Variants in UTRN observed in about 807,000 individuals in gnomAD.
The protein encoded by UTRN is utrophin.
In UTRN, 283 loss-of-function variants were observed where a neutral mutation model predicts 463.9. The ratio of observed to expected loss-of-function variants is 0.61; its 90% CI spans 0.55 to 0.67. The LOEUF (loss-of-function observed/expected upper bound fraction) is 0.67. Ranked by LOEUF, UTRN falls within the 30% of genes least tolerant of loss-of-function variation. UTRN has a pLI of 0.00. For missense variants in UTRN, 3,922 were observed against 4,084.3 expected (o/e 0.96, Z 1.08); for synonymous variants, 1,442 against 1,431.5 (o/e 1.01, Z -0.17).
rs1797018942 is a variant in UTRN, at chr6:144,531,096, A to G, written c.5951A>G (p.Asp1984Gly). 1.2e-6 allele frequency: 2 copies of G among 1,613,870 alleles called. No homozygotes were observed. The highest frequency in any genetic ancestry group is 1.7e-6 in the Non-Finnish European group (2 of 1,179,960). Residue 1984 changes from aspartate to glycine, a missense_variant, in exon 42 of 75, where the codon GAC becomes GGC. Physicochemically the swap from Asp to Gly is moderately conservative, Grantham distance 94. Transcript: ENST00000367545. The part of the protein sequence containing the change: ...AMEEWRQFHC[D>G]LNDLTQWITE... ...GAAGAATGGAGACAGTTCCATTGTG[A>G]CCTTAATGACCTCACACAGTGGATA...
intron 2 of UTRN, among the ~76,000 whole-genome samples, chr6:144,365,149 T>TA (rs1478485238): frequency 6.6e-6 from 1 of 152,196 alleles, no homozygotes; most frequent in Non-Finnish European, 1.5e-5. Flanking sequence ...TCACTTCTTT[T>TA]AAAAAAGAAC....
intron 51 of UTRN, among the ~76,000 whole-genome samples, chr6:144,595,235 G>A (rs148178610): frequency 6.6e-6 from 1 of 152,284 alleles, no homozygotes; most frequent in East Asian, 1.9e-4. Flanking sequence ...TAGGACCAGT[G>A]TATTAATGTT....
intron 51 of UTRN, among the ~76,000 whole-genome samples, chr6:144,603,549 A>G (rs117468004): frequency 0.026 from 4,002 of 152,296 alleles, 98 homozygotes; most frequent in Non-Finnish European, 0.041. Flanking sequence ...TTGAGGTGGT[A>G]TACGTGTGTT....
At position 144,438,816 on chromosome 6, in the gene UTRN, A is replaced by C. The variant is rs1165052885; in HGVS notation, c.1313A>C (p.Glu438Ala). 1 of 1,614,244 alleles carries C rather than the reference A, an allele frequency of 6.2e-7. No individual in the cohort carries two copies. Among genetic ancestry groups the C allele is most frequent in the Non-Finnish European group, 8.5e-7 (1 of 1,180,040 alleles). Reference protein sequence around the residue: ...QQLSAWLTLTEERIQKMETCP... With the variant: ...QQLSAWLTLTAERIQKMETCP... The stretch of plus-strand genomic sequence containing the variant: ...CTCTCCGCCTGGTTAACACTCACAG[A>C]GGAGCGCATTCAGAAGATGGAAACT... Residue 438 changes from glutamate (E) to alanine (A), a missense_variant, in exon 12 of 75, where the codon GAG becomes GCG. Physicochemically the swap from Glu to Ala is moderately radical, Grantham distance 107. Transcript: ENST00000367545.
chr6:144,309,193 G>A (rs1467919344), intron 2 of UTRN, among the ~76,000 whole-genome samples: 9 of 152,052 alleles, frequency 5.9e-5, no homozygotes, highest in Non-Finnish European at 1.5e-5. Context: ...TCCTCTTAAC[G>A]TTGGAGGGCC....
intron 15 of UTRN, 98 bp from the exon 16 acceptor site, chr6:144,447,504 T>G: frequency 6.9e-7 from 1 of 1,441,018 alleles, no homozygotes; most frequent in Non-Finnish European, 9.5e-7. Context: ...AGCATGTACA[T>G]TTTACTATAA....
At chr6:144,555,217 A>C (rs1799270741) in intron 49 of UTRN, among the ~76,000 whole-genome samples, 1 of 152,206 alleles carries the variant, frequency 6.6e-6, no homozygotes, top group Non-Finnish European at 1.5e-5. Flanking sequence ...GTACTGTATT[A>C]GTCTGTTCTC....
chr6:144,428,663 CA>C (rs1287253226), intron 7 of UTRN, 114 bp from the exon 8 acceptor site: 12 of 557,484 alleles, frequency 2.2e-5, no homozygotes, highest in African/African-American at 9.6e-5. Context: ...AAAATAAACT[CA>C]AAAAAACCTC....
At chr6:144,542,648 T>C (rs1260440312) in intron 45 of UTRN, 147 bp from the exon 46 acceptor site, 1 of 705,726 alleles carries the variant, frequency 1.4e-6, no homozygotes, top group Non-Finnish European at 2.3e-6. Context: ...AAGATTGCAA[T>C]GGAGAGTGAA....
intron 45 of UTRN, 65 bp from the exon 46 acceptor site, chr6:144,542,730 T>A: frequency 6.6e-7 from 1 of 1,525,600 alleles, no homozygotes; most frequent in Non-Finnish European, 8.9e-7. Flanking sequence ...ACACCTCTTC[T>A]TTTGAACTAC....
chr6:144,371,559 G>A (rs1037422222), intron 2 of UTRN, among the ~76,000 whole-genome samples: 1 of 152,058 alleles, frequency 6.6e-6, no homozygotes, highest in African/African-American at 2.4e-5. Context: ...TTACAGGCAC[G>A]CACCACCACA....
chr6:144,846,385 G>A (rs1433146474), intron 73 of UTRN, among the ~76,000 whole-genome samples: 1 of 152,182 alleles, frequency 6.6e-6, no homozygotes, highest in Non-Finnish European at 1.5e-5. Context: ...TGTCAAGGGT[G>A]GGTCAAGAGA....
At chr6:144,420,734 C>T (rs369334657) in intron 3 of UTRN, among the ~76,000 whole-genome samples, 31 of 152,242 alleles carry the variant, frequency 2.0e-4, no homozygotes, top group African/African-American at 6.5e-4. Context: ...AACACCTCAG[C>T]CCTGAAATTG....
intron 2 of UTRN, among the ~76,000 whole-genome samples, chr6:144,320,021 T>A (rs1775535691): frequency 6.6e-6 from 1 of 151,964 alleles, no homozygotes; most frequent in Admixed American, 6.6e-5. Flanking sequence ...GCCCGGCTAG[T>A]TTTTGTATTT....
At chr6:144,508,851 C>T (rs1794925150) in intron 34 of UTRN, among the ~76,000 whole-genome samples, 1 of 152,232 alleles carries the variant, frequency 6.6e-6, no homozygotes, top group Admixed American at 6.5e-5. Flanking sequence ...AACCTTGTCC[C>T]CATGGATTTG....
intron 65 of UTRN, among the ~76,000 whole-genome samples, chr6:144,811,650 C>T (rs2128750149): frequency 6.6e-6 from 1 of 151,946 alleles, no homozygotes; most frequent in African/African-American, 2.4e-5. Context: ...TTACTGATTG[C>T]ATCCTATCCA....
At chr6:144,291,492 T>C (rs372497515) in intron 1 of UTRN, among the ~76,000 whole-genome samples, 4 of 152,364 alleles carry the variant, frequency 2.6e-5, no homozygotes, top group Non-Finnish European at 4.4e-5. Flanking sequence ...CTCCTTTGTA[T>C]GATTTGTAGT....
intron 54 of UTRN, among the ~76,000 whole-genome samples, chr6:144,737,416 A>C (rs1789546358): frequency 6.6e-6 from 1 of 152,236 alleles, no homozygotes; most frequent in South Asian, 2.1e-4. Flanking sequence ...TCCTAAAATA[A>C]AACAAAACGA....
At chr6:144,724,473 C>T (rs1038228890) in intron 53 of UTRN, among the ~76,000 whole-genome samples, 9 of 151,854 alleles carry the variant, frequency 5.9e-5, no homozygotes, top group African/African-American at 1.7e-4. Context: ...GTGATCCTCC[C>T]GCCTCAGCCT....
Sources: gnomAD v4.1 joint callset for allele counts (sites outside exome capture counted in the v4.1 genomes callset) on GRCh38, gnomAD v4.1.1 for gene constraint, MANE v1.5 for transcripts, NCBI Gene and HGNC (gene_info 2026-07-23, HGNC 2026-07-21) for gene names.